Variants in TANC2 observed in about 807,000 individuals in gnomAD.
TANC2 encodes tetratricopeptide repeat, ankyrin repeat and coiled-coil containing 2.
In TANC2, 26 loss-of-function variants were observed where a neutral mutation model predicts 210.5. That is an observed-to-expected ratio of 0.12 (90% CI 0.09 to 0.17). TANC2 has a LOEUF of 0.17. Among genes scored for constraint, TANC2 ranks in the 10% least tolerant of loss-of-function variants. The pLI, the probability that TANC2 is intolerant of heterozygous loss-of-function variation, is 1.00. For missense variants in TANC2, 2,129 were observed against 2,608.9 expected, an observed-to-expected ratio of 0.82 and a Z score of 4.01; for synonymous variants, 931 against 967.1, an observed-to-expected ratio of 0.96 and a Z score of 0.69.
intron 14 of TANC2, among the ~76,000 whole-genome samples, chr17:63,368,170 A>C (rs1404196813): frequency 6.6e-6 from 1 of 152,176 alleles, no homozygotes; most frequent in African/African-American, 2.4e-5. Flanking sequence ...AAAAGTGACG[A>C]GATTTATCTT....
chr17:63,108,097 C>T (rs978449197), intron 4 of TANC2, among the ~76,000 whole-genome samples: 2 of 151,686 alleles, frequency 1.3e-5, no homozygotes, highest in Non-Finnish European at 2.9e-5. Context: ...TGGCCATGAC[C>T]TTGAGCAGTA....
intron 4 of TANC2, chr17:63,117,098 GT>G (rs2038280405): frequency 6.6e-6 from 1 of 151,984 alleles, no homozygotes; most frequent in Non-Finnish European, 1.5e-5. Flanking sequence ...TCCTTATATG[GT>G]GCTGCTTTTT....
At chr17:63,061,628 T>C (rs545857562) in intron 2 of TANC2, among the ~76,000 whole-genome samples, 2 of 152,234 alleles carry the variant, frequency 1.3e-5, no homozygotes, top group East Asian at 3.9e-4. Flanking sequence ...TAGATGTATA[T>C]ATACATATAT....
At chr17:63,191,164 G>A (rs1032388036) in intron 5 of TANC2, among the ~76,000 whole-genome samples, 4 of 151,754 alleles carry the variant, frequency 2.6e-5, no homozygotes, top group African/African-American at 4.8e-5. Flanking sequence ...CAGAATCAAC[G>A]TACACTAAGT....
At chr17:63,089,135 A>G (rs17631053) in intron 3 of TANC2, 33,960 of 152,144 alleles carry the variant, frequency 0.22, 3,922 homozygotes, top group Middle Eastern at 0.27. Context: ...CTCTGCAAGT[A>G]AAGATGTACC....
At chr17:63,081,516 A>G (rs1473522221) in intron 3 of TANC2, among the ~76,000 whole-genome samples, 1 of 152,188 alleles carries the variant, frequency 6.6e-6, no homozygotes, top group Non-Finnish European at 1.5e-5. Flanking sequence ...AATAAAATGC[A>G]GTTTTAGTTC....
intron 15 of TANC2, among the ~76,000 whole-genome samples, chr17:63,386,714 C>T (rs1333121058): frequency 6.6e-6 from 1 of 152,130 alleles, no homozygotes; most frequent in Non-Finnish European, 1.5e-5. Flanking sequence ...TAATAGGAGT[C>T]ACCTCTTAGG....
intron 12 of TANC2, among the ~76,000 whole-genome samples, chr17:63,348,300 C>T (rs976826963): frequency 1.3e-5 from 2 of 152,108 alleles, no homozygotes; most frequent in East Asian, 1.9e-4. Context: ...TAGGTAGAGT[C>T]TTACAATGGA....
chr17:63,159,711 A>T (rs1308286512), intron 5 of TANC2, among the ~76,000 whole-genome samples: 1 of 152,190 alleles, frequency 6.6e-6, no homozygotes, highest in African/African-American at 2.4e-5. Flanking sequence ...ATACGGGAGG[A>T]TATACGTAGG....
At chr17:63,126,025 G>T (rs565449087) in intron 4 of TANC2, among the ~76,000 whole-genome samples, 1 of 152,232 alleles carries the variant, frequency 6.6e-6, no homozygotes, top group Admixed American at 6.5e-5. Flanking sequence ...GCAAAAAGCA[G>T]GTAGTAATAG....
chr17:63,218,000 A>G (rs145540418), intron 7 of TANC2, among the ~76,000 whole-genome samples: 16 of 152,198 alleles, frequency 1.1e-4, no homozygotes, highest in African/African-American at 2.6e-4. Flanking sequence ...AAAAAACAGC[A>G]TTGGTTAGGC....
chr17:63,323,438 A>G (rs1277021407), intron 11 of TANC2, among the ~76,000 whole-genome samples: 1 of 152,208 alleles, frequency 6.6e-6, no homozygotes, highest in African/African-American at 2.4e-5. Context: ...GCGTGTCTCC[A>G]CTTAACATTA....
intron 11 of TANC2, among the ~76,000 whole-genome samples, chr17:63,337,168 A>G (rs2046059768): frequency 6.6e-6 from 1 of 152,218 alleles, no homozygotes; most frequent in African/African-American, 2.4e-5. Flanking sequence ...TGCAAATCTA[A>G]TGAAGATGTT....
intron 26 of TANC2, among the ~76,000 whole-genome samples, chr17:63,416,316 G>A (rs774036155): frequency 1.1e-4 from 16 of 152,046 alleles, no homozygotes; most frequent in Non-Finnish European, 2.2e-4. Flanking sequence ...GCCCTTTAAC[G>A]TGAAGACACT....
intron 7 of TANC2, among the ~76,000 whole-genome samples, chr17:63,202,896 C>T (rs1196171863): frequency 3.9e-5 from 6 of 152,048 alleles, no homozygotes; most frequent in African/African-American, 1.4e-4. Context: ...TATAAAGTGG[C>T]ATGTTAATAC....
chr17:63,281,778 T>C (rs2146352985), intron 9 of TANC2, among the ~76,000 whole-genome samples: 1 of 152,166 alleles, frequency 6.6e-6, no homozygotes, highest in South Asian at 2.1e-4. Context: ...CCAATGACGG[T>C]ATTTTTTAAA....
chr17:62,979,470 T>G (rs564869618), intron 1 of TANC2, among the ~76,000 whole-genome samples: 1 of 152,316 alleles, frequency 6.6e-6, no homozygotes, highest in African/African-American at 2.4e-5. Flanking sequence ...TACTAGCAAC[T>G]TCGTATGAGA....
intron 2 of TANC2, among the ~76,000 whole-genome samples, chr17:63,051,478 A>T (rs2035579716): frequency 6.6e-6 from 1 of 152,158 alleles, no homozygotes; most frequent in Admixed American, 6.5e-5. Flanking sequence ...TATCTCTGGT[A>T]TTATCTGTTG....
chr17:63,328,228 G>A (rs1430192983), intron 11 of TANC2, among the ~76,000 whole-genome samples: 5 of 152,078 alleles, frequency 3.3e-5, no homozygotes, highest in Non-Finnish European at 7.4e-5. Context: ...ACTACCTGTC[G>A]GGTACTATGC....
Sources: gnomAD v4.1 joint callset for allele counts (sites outside exome capture counted in the v4.1 genomes callset) on GRCh38, gnomAD v4.1.1 for gene constraint, MANE v1.5 for transcripts, NCBI Gene and HGNC (gene_info 2026-07-23, HGNC 2026-07-21) for gene names.